The following MAN2B2 variants were observed in gnomAD, a reference collection of about 807,000 sequenced individuals.
The protein encoded by MAN2B2 is epididymis-specific alpha-mannosidase.
MAN2B2 carries 106 observed loss-of-function variants against 117.1 expected under a neutral mutation model. That is an observed-to-expected ratio of 0.90 (90% CI 0.77 to 1.06). MAN2B2 has a LOEUF of 1.06. Among genes scored for constraint, MAN2B2 ranks in the 50% least tolerant of loss-of-function variants. The pLI, the probability that MAN2B2 is intolerant of heterozygous loss-of-function variation, is 0.00. For synonymous variants in MAN2B2, 544 were observed against 595.1 expected, an observed-to-expected ratio of 0.91 and a Z score of 1.25; for missense variants, 1,326 against 1,381.4, an observed-to-expected ratio of 0.96 and a Z score of 0.64.
At chr4:6,595,834 C>T (rs1379173415) in intron 7 of MAN2B2, among the ~76,000 whole-genome samples, 3 of 152,244 alleles carry the variant, frequency 2.0e-5, no homozygotes, top group African/African-American at 7.2e-5. Flanking sequence ...CATGACCTGG[C>T]TTAGTCCTGC....
At position 6,598,203 on chromosome 4, in the gene MAN2B2, G is replaced by A. The variant is rs1251728908; in HGVS notation, c.1254G>A (p.Gln418=). Residue 418 remains glutamine (Q), a synonymous_variant, in exon 9 of 19, where the codon CAG becomes CAA. Coordinates refer to ENST00000285599, the MANE Select transcript of MAN2B2 (RefSeq NM_015274.3). The stretch of plus-strand genomic sequence containing the variant: ...CCCTCTGGGGGTTGCTGCAGGTCCA[G>A]CACCATGATGCCATCACTGGGACTG... ...QQLRWAVSEV[Q]HHDAITGTES... 1 of 1,613,386 alleles carries A rather than the reference G, an allele frequency of 6.2e-7. No homozygotes were observed.
rs777517168 is a variant in MAN2B2, at chr4:6,605,381, G to T, written c.1814+52G>T. The T allele has an allele frequency of 4.5e-6, 7 of 1,555,268 alleles. No individual in the cohort carries two copies. In the South Asian group the frequency reaches 6.0e-5, roughly 13 times the overall value. On this transcript the variant is annotated intron_variant, in intron 11 of 18. Transcript: ENST00000285599. ...AGGCACAGGCATGCCTGGAGCCTGG[G>T]CATGTCAGGCCCCTACCTGGATTCT...
At position 6,594,464 on chromosome 4, in the gene MAN2B2, G is replaced by A. The variant is rs1200378547; in HGVS notation, c.859-70G>A. 9 of 1,498,096 alleles carry A rather than the reference G, an allele frequency of 6.0e-6. No individual in the cohort carries two copies. In the East Asian group the frequency reaches 6.8e-5, roughly 11 times the overall value. 92.8% of individuals were successfully genotyped at this position (1,498,096 alleles called of 1,614,324 possible). A position where few individuals can be genotyped will look rare whatever the true frequency, so the allele number is the denominator to read the frequency against. ...GGGAGGGCAGCTGGTGGAGGGCAGC[G>A]ATCGGCCCACCCCCACTGGGCGAGC... On this transcript the variant is annotated intron_variant, in intron 6 of 18. Coordinates refer to ENST00000285599, the MANE Select transcript of MAN2B2 (RefSeq NM_015274.3).
rs1712194625 is a variant in MAN2B2 at position 6,621,921 on chromosome 4, A to T, written c.*636A>T. On this transcript the variant is annotated 3_prime_UTR_variant, in exon 19 of 19. Coordinates refer to ENST00000285599, the MANE Select transcript of MAN2B2 (RefSeq NM_015274.3). ...GGGATGTCCAATATCAGAACTATTA[A>T]TATCAATAAAAGTATAACCTTCCCA... 6.6e-6 allele frequency: 1 copy of T among 152,330 alleles called. No individual in the cohort carries two copies. Among genetic ancestry groups the T allele is most frequent in the African/African-American group, 2.4e-5 (1 of 41,484 alleles). The allele number at this position is 152,330 out of a possible 1,614,324, so 9.4% of individuals were successfully genotyped here.
Position 6,609,910 on chromosome 4 carries a change from G to A in MAN2B2, c.2119G>A (p.Gly707Ser), listed in dbSNP as rs556426557. Residue 707 changes from glycine to serine, a missense_variant, in exon 13 of 19, where the codon GGC (glycine) becomes AGC (serine). Gly to Ser is a moderately conservative substitution (Grantham distance 56, BLOSUM62 0). Coordinates refer to ENST00000285599, the MANE Select transcript of MAN2B2 (RefSeq NM_015274.3). ...CCGGATAGAGCAGGAGTACCAAGCCGGCCCCCTGGAGCTGAACCGTGAGGC... is the reference window on the plus strand; with the variant it reads ...CCGGATAGAGCAGGAGTACCAAGCCAGCCCCCTGGAGCTGAACCGTGAGGC... The part of the protein sequence containing the change: ...CHRIEQEYQA[G>S]PLELNREAVL... The A allele has an allele frequency of 3.7e-5, 59 of 1,614,100 alleles. No homozygotes were observed. The East Asian group carries it at 4.5e-4, about 12-fold the overall frequency.
At chr4:6,602,878 G>A (rs891246783) in intron 10 of MAN2B2, among the ~76,000 whole-genome samples, 3 of 151,988 alleles carry the variant, frequency 2.0e-5, no homozygotes, top group African/African-American at 7.2e-5. Context: ...GTCTTACTAT[G>A]TTGCCCAGGC....
chr4:6,584,093 T>C (rs7677970), intron 3 of MAN2B2, among the ~76,000 whole-genome samples: 127,618 of 152,202 alleles, frequency 0.84, 54,210 homozygotes, highest in Middle Eastern at 0.91. Flanking sequence ...TCCCTAGTGC[T>C]GGCTGCCAAT....
Position 6,597,681 on chromosome 4 carries a change from G to A in MAN2B2, c.1248+378G>A, listed in dbSNP as rs1283624854. 6.6e-5 allele frequency among the ~76,000 whole-genome samples: 10 copies of A among 152,188 alleles called. 1 individual carries two copies. Among genetic ancestry groups the A allele is most frequent in the Non-Finnish European group, 2.9e-5 (2 of 68,034 alleles). ...TTCCCTCCTGTACAATGAGAACAAC[G>A]AGCTTGCCCAGGAGGACGGTGGGGC... is the stretch of plus-strand genomic sequence containing the variant. On this transcript the variant is annotated intron_variant, in intron 8 of 18. Coordinates refer to ENST00000285599, the MANE Select transcript of MAN2B2 (RefSeq NM_015274.3).
chr4:6,610,654 G>GTGGCCAGGGCT (rs1727733564), intron 13 of MAN2B2, among the ~76,000 whole-genome samples: 1 of 152,218 alleles, frequency 6.6e-6, no homozygotes, highest in African/African-American at 2.4e-5. Flanking sequence ...GAGATGATGC[G>GTGGCCAGGGCT]TGGCCAGGGC....
Position 6,575,282 on chromosome 4 carries a change from C to T in MAN2B2, c.72C>T (p.Ala24=), listed in dbSNP as rs1726009411. 2 of 1,562,174 alleles carry T rather than the reference C, an allele frequency of 1.3e-6. No homozygotes were observed. Among genetic ancestry groups the T allele is most frequent in the East Asian group, 2.3e-5 (1 of 42,822 alleles). ...TGCGACCGCCAGGGGTCCAGTCCGC[C>T]GGCCCCATCCGGGCCTTCGTGGTGC... The part of the protein sequence containing the change: ...LLLRPPGVQS[A]GPIRAFVVPH... The change falls in exon 1 of 19, where the codon GCC becomes GCT. Residue 24 remains alanine, a synonymous_variant. Transcript: ENST00000285599.
At chr4:6,596,176 GGGTGGGCGTGGCGTCCA>G (rs569003989) in intron 7 of MAN2B2, among the ~76,000 whole-genome samples, 3,631 of 150,636 alleles carry the variant, frequency 0.024, 176 homozygotes, top group African/African-American at 0.084. Context: ...AGGCGGGTGT[GGGTGGGCGTGGCGTCCA>G]GGTGGGCGTG....
intron 11 of MAN2B2, among the ~76,000 whole-genome samples, chr4:6,608,238 G>C (rs1236820296): frequency 6.6e-6 from 1 of 152,132 alleles, no homozygotes; most frequent in Non-Finnish European, 1.5e-5. Flanking sequence ...TGCGGGGAAG[G>C]GGTCCAGGGC....
At chr4:6,579,326 C>T (rs1397789273) in intron 3 of MAN2B2, among the ~76,000 whole-genome samples, 3 of 101,170 alleles carry the variant, frequency 3.0e-5, no homozygotes, top group Non-Finnish European at 4.7e-5. Flanking sequence ...CCATCACCAC[C>T]ACCACCACCA....
intron 13 of MAN2B2, among the ~76,000 whole-genome samples, chr4:6,610,417 A>C (rs946252498): frequency 4.6e-5 from 7 of 152,158 alleles, no homozygotes; most frequent in Non-Finnish European, 7.3e-5. Context: ...TCAGCCTCCC[A>C]AAGTGCTGGG....
At chr4:6,594,850 G>C in intron 7 of MAN2B2, 118 bp downstream of exon 7, 5 of 1,120,706 alleles carry the variant, frequency 4.5e-6, no homozygotes, top group Non-Finnish European at 6.4e-6. Flanking sequence ...AGGGGTTCCA[G>C]GCAGGTTCTG....
chr4:6,581,620 T>C (rs551290645), intron 3 of MAN2B2, among the ~76,000 whole-genome samples: 218 of 151,916 alleles, frequency 1.4e-3, no homozygotes, highest in African/African-American at 5.0e-3. Flanking sequence ...GGGCCCTTTA[T>C]CCTCCATCTC....
At chr4:6,591,649 TC>T (rs1474343775) in intron 5 of MAN2B2, among the ~76,000 whole-genome samples, 1 of 152,156 alleles carries the variant, frequency 6.6e-6, no homozygotes, top group Non-Finnish European at 1.5e-5. Flanking sequence ...AGCAGGGGAC[TC>T]CTAGGCCCCT....
At chr4:6,617,529 G>A (rs1241692936) in intron 17 of MAN2B2, 37 bp downstream of exon 17, 2 of 1,611,326 alleles carry the variant, frequency 1.2e-6, no homozygotes, top group South Asian at 2.2e-5. Flanking sequence ...CATAAGCCAG[G>A]GAAGCAAACC....
intron 8 of MAN2B2, 114 bp from the exon 9 acceptor site, chr4:6,598,084 T>C: frequency 8.3e-7 from 1 of 1,204,066 alleles, no homozygotes; most frequent in Admixed American, 2.2e-5. Flanking sequence ...TGCCCCCTTC[T>C]CCACTGGCAC....
Sources: gnomAD v4.1 joint callset for allele counts (sites outside exome capture counted in the v4.1 genomes callset) on GRCh38, gnomAD v4.1.1 for gene constraint, MANE v1.5 for transcripts, NCBI Gene and HGNC (gene_info 2026-07-23, HGNC 2026-07-21) for gene names.